Variants in SCN8A observed in about 807,000 individuals in gnomAD.
SCN8A encodes the protein sodium channel protein type 8 subunit alpha.
In SCN8A, 30 loss-of-function variants were observed where a neutral mutation model predicts 184.1. That is an observed-to-expected ratio of 0.16 (90% confidence interval 0.12 to 0.22). The LOEUF is 0.22. Ranked by LOEUF, SCN8A falls within the 10% of genes least tolerant of loss-of-function variation. SCN8A has a pLI of 1.00. For missense variants in SCN8A, 1,057 were observed against 2,498.9 expected, an observed-to-expected ratio of 0.42 and a Z score of 12.30; for synonymous variants, 852 against 907.0, an observed-to-expected ratio of 0.94 and a Z score of 1.09.
intron 1 of SCN8A, among the ~76,000 whole-genome samples, chr12:51,602,249 A>G (rs1939482893): frequency 6.6e-6 from 1 of 152,212 alleles, no homozygotes; most frequent in African/African-American, 2.4e-5. Context: ...TCTGATCACT[A>G]TATATGAATT....
intron 25 of SCN8A, among the ~76,000 whole-genome samples, chr12:51,793,805 G>A (rs1938333103): frequency 1.3e-5 from 2 of 152,032 alleles, no homozygotes; most frequent in South Asian, 4.1e-4. Context: ...CCTATGCATA[G>A]CCACTGCACT....
chr12:51,688,637 C>A (rs1013967314), intron 5 of SCN8A: 16 of 686,036 alleles, frequency 2.3e-5, no homozygotes, highest in Non-Finnish European at 3.3e-5. Flanking sequence ...TATTTTGAAG[C>A]TTTTCTTTTT....
intron 1 of SCN8A, among the ~76,000 whole-genome samples, chr12:51,619,918 T>C (rs1476098265): frequency 1.3e-5 from 2 of 152,202 alleles, no homozygotes; most frequent in Non-Finnish European, 2.9e-5. Flanking sequence ...CACAAGCATG[T>C]CTGTATTAGT....
At chr12:51,710,902 TA>T (rs1941864293) in intron 11 of SCN8A, among the ~76,000 whole-genome samples, 1 of 152,210 alleles carries the variant, frequency 6.6e-6, no homozygotes, top group Non-Finnish European at 1.5e-5. Flanking sequence ...TCTGTGTGCA[TA>T]TTTATTTATG....
intron 12 of SCN8A, among the ~76,000 whole-genome samples, chr12:51,727,068 A>G (rs946424362): frequency 6.6e-6 from 1 of 152,200 alleles, no homozygotes; most frequent in South Asian, 2.1e-4. Context: ...CCTTGGGCAG[A>G]TCTCTAGAAA....
At chr12:51,646,235 G>A (rs1940587295) in intron 1 of SCN8A, among the ~76,000 whole-genome samples, 1 of 152,190 alleles carries the variant, frequency 6.6e-6, no homozygotes, top group African/African-American at 2.4e-5. Context: ...CAGTTAGACG[G>A]TTGCTATGGT....
intron 1 of SCN8A, among the ~76,000 whole-genome samples, chr12:51,631,715 T>G (rs1003472881): frequency 6.6e-6 from 1 of 152,234 alleles, no homozygotes; most frequent in Non-Finnish European, 1.5e-5. Context: ...CAAAGTCTTA[T>G]TTAAAGAGAT....
chr12:51,756,352 G>A (rs959640097), intron 14 of SCN8A, among the ~76,000 whole-genome samples: 5 of 151,990 alleles, frequency 3.3e-5, no homozygotes, highest in South Asian at 2.1e-4. Flanking sequence ...CACCCCACTC[G>A]GGATCTGACA....
chr12:51,675,260 C>G (rs889945424), intron 2 of SCN8A, among the ~76,000 whole-genome samples: 8 of 152,114 alleles, frequency 5.3e-5, no homozygotes, highest in African/African-American at 1.9e-4. Context: ...GCTGCTCTGC[C>G]CGGTATGGCT....
intron 19 of SCN8A, among the ~76,000 whole-genome samples, chr12:51,773,735 A>C (rs1942965603): frequency 6.6e-6 from 1 of 152,252 alleles, no homozygotes; most frequent in South Asian, 2.1e-4. Flanking sequence ...CAATAGAAAC[A>C]ATACACATGT....
intron 1 of SCN8A, among the ~76,000 whole-genome samples, chr12:51,657,230 T>C (rs1006738023): frequency 1.3e-5 from 2 of 152,154 alleles, no homozygotes; most frequent in Non-Finnish European, 2.9e-5. Context: ...TTTTGATACA[T>C]GTATACAATG....
At chr12:51,682,592 A>G (rs1941353725) in intron 2 of SCN8A, among the ~76,000 whole-genome samples, 1 of 152,240 alleles carries the variant, frequency 6.6e-6, no homozygotes, top group Non-Finnish European at 1.5e-5. Flanking sequence ...ATCGAAGGTT[A>G]TCATTAGGTA....
chr12:51,810,909 C>A lies in SCN8A; in HGVS notation c.*3480C>A, dbSNP rs1938873188. ...GAGATAAACAAACTCCCAGTCAAAGCCCCTAAAGCGACAGTGCCCAGAGTT... is the reference window on the plus strand; with the variant it reads ...GAGATAAACAAACTCCCAGTCAAAGACCCTAAAGCGACAGTGCCCAGAGTT... On this transcript the variant is annotated 3_prime_UTR_variant, in exon 27 of 27. Coordinates refer to ENST00000627620, the MANE Select transcript of SCN8A (RefSeq NM_001330260.2). The A allele has an allele frequency of 6.6e-6, 1 of 152,212 alleles. No individual in the cohort carries two copies. Among genetic ancestry groups the A allele is most frequent in the South Asian group, 2.1e-4 (1 of 4,828 alleles). 9.4% of individuals were successfully genotyped at this position (152,212 alleles called of 1,614,324 possible). A position where few individuals can be genotyped will look rare whatever the true frequency, so the allele number is the denominator to read the frequency against.
chr12:51,751,454 A>G lies in SCN8A; in HGVS notation c.2231A>G (p.Glu744Gly). The G allele has an allele frequency of 6.2e-7, 1 of 1,613,948 alleles. No individual in the cohort carries two copies. The highest frequency in any genetic ancestry group is 8.5e-7 in the Non-Finnish European group (1 of 1,179,872). ...CACCCCTACTGGATAAAACTGAAAG[A>G]GATTGTGAACTTGATAGTTATGGAC... Reference protein sequence around the residue: ...ECHPYWIKLKEIVNLIVMDPF... With the variant: ...ECHPYWIKLKGIVNLIVMDPF... Residue 744 changes from glutamate (E) to glycine (G), a missense_variant, in exon 14 of 27, where the codon GAG (glutamate) becomes GGG (glycine). Physicochemically the swap from Glu to Gly is moderately conservative, Grantham distance 98. Around this residue, in one of 19 missense-constraint regions of SCN8A, gnomAD observed 66 missense variants for 310.6 expected, o/e 0.21. Coordinates refer to ENST00000627620, the MANE Select transcript of SCN8A (RefSeq NM_001330260.2).
intron 14 of SCN8A, among the ~76,000 whole-genome samples, chr12:51,762,130 G>T (rs953014211): frequency 6.6e-6 from 1 of 152,136 alleles, no homozygotes; most frequent in African/African-American, 2.4e-5. Context: ...TAACGCGAGT[G>T]ATTTTTTTAA....
intron 1 of SCN8A, among the ~76,000 whole-genome samples, chr12:51,660,794 A>C (rs1940910568): frequency 6.6e-6 from 1 of 152,174 alleles, no homozygotes; most frequent in Non-Finnish European, 1.5e-5. Flanking sequence ...GTATGTGATA[A>C]ATGTTAGCTA....
intron 1 of SCN8A, among the ~76,000 whole-genome samples, chr12:51,595,090 A>C (rs1939315731): frequency 6.6e-6 from 1 of 152,210 alleles, no homozygotes; most frequent in Admixed American, 6.5e-5. Flanking sequence ...ATGAATCAAC[A>C]AATAGTCTCA....
chr12:51,617,415 GTTA>G (rs1226105590), intron 1 of SCN8A, among the ~76,000 whole-genome samples: 2 of 151,932 alleles, frequency 1.3e-5, no homozygotes, highest in Non-Finnish European at 2.9e-5. Context: ...TAAAATTTCT[GTTA>G]TTGTGTTTTC....
intron 1 of SCN8A, among the ~76,000 whole-genome samples, chr12:51,611,724 A>G (rs576530515): frequency 6.6e-6 from 1 of 151,692 alleles, no homozygotes; most frequent in African/African-American, 2.4e-5. Context: ...GAACTCCCTG[A>G]CCTCAGGTGA....
Sources: allele counts gnomAD v4.1 joint callset (sites outside exome capture counted in the v4.1 genomes callset), GRCh38; gene constraint gnomAD v4.1.1; regional missense constraint gnomAD v4.1.1; transcripts MANE v1.5; gene names NCBI Gene and HGNC (gene_info 2026-07-23, HGNC 2026-07-21).